ITGB4: variants seen among roughly 807,000 people sequenced by gnomAD.
The protein encoded by ITGB4 is integrin beta-4.
In ITGB4, 159 loss-of-function variants were observed where a neutral mutation model predicts 207.6. The observed-to-expected ratio is 0.77, with a 90% CI of 0.67 to 0.87. The LOEUF (loss-of-function observed/expected upper bound fraction) is 0.87. ITGB4 is among the 40% of genes least tolerant of loss of function. The pLI, the probability that ITGB4 is intolerant of heterozygous loss-of-function variation, is 0.00. For synonymous variants in ITGB4, 1,020 were observed against 1,062.7 expected, an observed-to-expected ratio of 0.96 and a Z score of 0.78; for missense variants, 2,278 against 2,546.8, an observed-to-expected ratio of 0.89 and a Z score of 2.27.
chr17:75,727,872 G>A lies in ITGB4; in HGVS notation c.469+17G>A. The A allele has an allele frequency of 6.2e-7, 1 of 1,612,274 alleles. No individual in the cohort carries two copies. Among genetic ancestry groups the A allele is most frequent in the Middle Eastern group, 1.8e-4 (1 of 5,614 alleles). On this transcript the variant is annotated intron_variant, in intron 5 of 39. Transcript: ENST00000200181. This position sits in a 1 kb window ranked among gnomAD's most constrained non-coding sequence, Gnocchi z 6.0. ...AGAACCTGGGTACGGCAGGGCCAGA[G>A]TGGAGGACAGCAGGGCAGGAGGGGG...
At chr17:75,735,345 C>A (rs1381842439) in intron 13 of ITGB4, among the ~76,000 whole-genome samples, 1 of 151,938 alleles carries the variant, frequency 6.6e-6, no homozygotes, top group East Asian at 1.9e-4. Flanking sequence ...GCCTCGGCCT[C>A]CCAAAGTGTG....
intron 26 of ITGB4, among the ~76,000 whole-genome samples, chr17:75,744,581 A>T (rs916671295): frequency 1.3e-5 from 2 of 151,862 alleles, no homozygotes; most frequent in Admixed American, 6.6e-5. Flanking sequence ...GGGATCGAAG[A>T]CCCCATGTCC....
Position 75,740,171 on chromosome 17 carries a change from C to T in ITGB4, c.2446+100C>T. On this transcript the variant is annotated intron_variant, in intron 20 of 39. Coordinates refer to ENST00000200181, the MANE Select transcript of ITGB4 (RefSeq NM_000213.5). The surrounding 1 kb of genome is among the most constrained non-coding windows in gnomAD (Gnocchi z 5.9). The stretch of plus-strand genomic sequence containing the variant: ...ATGCCTCTTCTCTGGGTGTGGGGTG[C>T]AGGCACAGGGCTCAGCCACCTTTTG... 1 of 1,358,912 alleles carries T rather than the reference C, an allele frequency of 7.4e-7. No homozygotes were observed. The highest frequency in any genetic ancestry group is 1.3e-5 in the South Asian group (1 of 75,538). The allele number at this position is 1,358,912 out of a possible 1,614,324, so 84.2% of individuals were successfully genotyped here.
In ITGB4 at chr17:75,743,064, G is replaced by A. The variant is rs181770852; in HGVS notation, c.2962+303G>A. ...AAAGGGTTGGCCAAGGCATCACACC[G>A]TGGACATCTGACCCCTCCTCCCACC... On this transcript the variant is annotated intron_variant, in intron 25 of 39. Transcript: ENST00000200181. Among the ~76,000 whole-genome samples the A allele has an allele frequency of 2.7e-4, 41 of 152,154 alleles. No homozygotes were observed. In the East Asian group the frequency reaches 6.0e-3, roughly 22 times the overall value.
rs752880384 is a variant in ITGB4 at position 75,731,876 on chromosome 17, C to T, written c.1280C>T (p.Pro427Leu). 1.6e-5 allele frequency: 26 copies of T among 1,613,628 alleles called. No individual in the cohort carries two copies. The highest frequency in any genetic ancestry group is 5.0e-5 in the Admixed American group (3 of 59,954). Residue 427 changes from proline to leucine, a missense_variant, in exon 11 of 40, where the codon CCG becomes CTG. Pro to Leu is a moderately conservative substitution (Grantham distance 98, BLOSUM62 -3). Transcript: ENST00000200181. This position sits in a 1 kb window ranked among gnomAD's most constrained non-coding sequence, Gnocchi z 6.8. ...GATGGGACGCACGTGTGCCAGCTGCCGGAGGACCAGAAGGGCAACATCCAT... is the reference window on the plus strand; with the variant it reads ...GATGGGACGCACGTGTGCCAGCTGCTGGAGGACCAGAAGGGCAACATCCAT... ...HVDGTHVCQL[P>L]EDQKGNIHLK...
chr17:75,730,167 C>T (rs1169060529), intron 7 of ITGB4, 74 bp from the exon 8 acceptor site: 24 of 1,595,238 alleles, frequency 1.5e-5, no homozygotes, highest in African/African-American at 9.4e-5. Flanking sequence ...CCGCGTTCCC[C>T]GTCCTACACG....
At position 75,731,383 on chromosome 17, in the gene ITGB4, G is replaced by T. The variant is rs369393539; in HGVS notation, c.1215+15G>T. On this transcript the variant is annotated intron_variant, in intron 10 of 39. Transcript: ENST00000200181. This position sits in a 1 kb window ranked among gnomAD's most constrained non-coding sequence, Gnocchi z 6.8. ...GGGGGGAAGTGGTACGCCTCTGTGG[G>T]GGCAGCGGGGTGGGGGATAGGCACA... The T allele has an allele frequency of 1.2e-4, 197 of 1,606,108 alleles. No homozygotes were observed. Among genetic ancestry groups the T allele is most frequent in the Non-Finnish European group, 1.7e-4 (194 of 1,175,570 alleles).
chr17:75,742,544 T>C lies in ITGB4; in HGVS notation c.2783-38T>C, dbSNP rs954376751. The C allele has an allele frequency of 6.2e-7, 1 of 1,613,536 alleles. No homozygotes were observed. Among genetic ancestry groups the C allele is most frequent in the Admixed American group, 1.7e-5 (1 of 60,006 alleles). ...CTCGCACCTCCCGCCTGTGTGGCCCTGTGACCCACCTCTGACCACCTCCGA... is the reference window on the plus strand; with the variant it reads ...CTCGCACCTCCCGCCTGTGTGGCCCCGTGACCCACCTCTGACCACCTCCGA... On this transcript the variant is annotated intron_variant, in intron 24 of 39. Coordinates refer to ENST00000200181, the MANE Select transcript of ITGB4 (RefSeq NM_000213.5). The surrounding 1 kb of genome is among the most constrained non-coding windows in gnomAD (Gnocchi z 5.9).
At chr17:75,748,559 A>T (rs1051505808) in intron 26 of ITGB4, among the ~76,000 whole-genome samples, 1 of 151,528 alleles carries the variant, frequency 6.6e-6, no homozygotes, top group African/African-American at 2.4e-5. Flanking sequence ...AATCCCAGCT[A>T]CTCAGGAAGA....
In ITGB4 at chr17:75,750,772, T is replaced by C. The variant is rs764438934; in HGVS notation, c.3567T>C (p.Tyr1189=). 12 of 1,613,590 alleles carry C rather than the reference T, an allele frequency of 7.4e-6. No homozygotes were observed. In the South Asian group the frequency reaches 9.9e-5, roughly 13 times the overall value. Residue 1189 remains tyrosine, a synonymous_variant, in exon 29 of 40, where the codon TAT becomes TAC. Coordinates refer to ENST00000200181, the MANE Select transcript of ITGB4 (RefSeq NM_000213.5). This position sits in a 1 kb window ranked among gnomAD's most constrained non-coding sequence, Gnocchi z 5.5. The part of the protein sequence containing the change: ...PSVELTNLYP[Y]CDYEMKVCAY... The stretch of plus-strand genomic sequence containing the variant: ...TGGAGCTCACCAACCTGTACCCGTA[T>C]TGCGACTATGAGATGAAGGTGTGCG...
rs148827335 is a variant in ITGB4, at chr17:75,756,445, C to G, written c.4725C>G (p.Leu1575=). The G allele has an allele frequency of 6.2e-7, 1 of 1,613,336 alleles. No individual in the cohort carries two copies. The highest frequency in any genetic ancestry group is 8.5e-7 in the Non-Finnish European group (1 of 1,179,990). The part of the protein sequence containing the change: ...QLLNGGELHR[L]NIPNPAQTSV... ...TCCCCCCAGGTGAGCTGCATCGGCT[C>G]AACATCCCCAACCCTGCCCAGACCT... Residue 1575 remains leucine, a synonymous_variant, in exon 36 of 40, where the codon CTC becomes CTG. Coordinates refer to ENST00000200181, the MANE Select transcript of ITGB4 (RefSeq NM_000213.5).
chr17:75,745,699 T>C (rs941090527), intron 26 of ITGB4, among the ~76,000 whole-genome samples: 4 of 151,944 alleles, frequency 2.6e-5, no homozygotes, highest in African/African-American at 4.8e-5. Flanking sequence ...GCCAACATGG[T>C]GAAACCCTGT....
rs944058687 is a variant in ITGB4, at chr17:75,722,607, C to G, written c.-11+995C>G. Among the ~76,000 whole-genome samples, 9 of 152,228 alleles carry G rather than the reference C, an allele frequency of 5.9e-5. No individual in the cohort carries two copies. The highest frequency in any genetic ancestry group is 1.9e-4 in the African/African-American group (8 of 41,534). On this transcript the variant is annotated intron_variant, in intron 1 of 39. Coordinates refer to ENST00000200181, the MANE Select transcript of ITGB4 (RefSeq NM_000213.5). This position sits in a 1 kb window ranked among gnomAD's most constrained non-coding sequence, Gnocchi z 6.2. ...TCCCCAGACTTCTGGCCAGCTGCCT[C>G]TCTGGGGCGAGGAAGGGCCTGGGTC...
At chr17:75,737,276 C>T (rs778831526) in intron 16 of ITGB4, 46 bp from the exon 17 acceptor site, 50 of 1,570,592 alleles carry the variant, frequency 3.2e-5, no homozygotes, top group Middle Eastern at 1.7e-4. Flanking sequence ...TCCTCTGGGG[C>T]GGAGGGGTGT....
chr17:75,750,497 C>T lies in ITGB4; in HGVS notation c.3475-183C>T, dbSNP rs115406496. On this transcript the variant is annotated intron_variant, in intron 28 of 39. Transcript: ENST00000200181. This position sits in a 1 kb window ranked among gnomAD's most constrained non-coding sequence, Gnocchi z 5.5. ...CTAGAATGGGGCCCCCTCCCACCCC[C>T]GCATGGGAGATACCCCCACCTGCTC... is the stretch of plus-strand genomic sequence containing the variant. Among the ~76,000 whole-genome samples the T allele has an allele frequency of 3.3e-5, 5 of 152,144 alleles. No individual in the cohort carries two copies. The highest frequency in any genetic ancestry group is 7.4e-5 in the Non-Finnish European group (5 of 68,008).
chr17:75,750,309 G>T lies in ITGB4; in HGVS notation c.3474+41G>T. 6.4e-7 allele frequency: 1 copy of T among 1,574,394 alleles called. No homozygotes were observed. Among genetic ancestry groups the T allele is most frequent in the Non-Finnish European group, 8.6e-7 (1 of 1,157,340 alleles). On this transcript the variant is annotated intron_variant, in intron 28 of 39. Coordinates refer to ENST00000200181, the MANE Select transcript of ITGB4 (RefSeq NM_000213.5). This position sits in a 1 kb window ranked among gnomAD's most constrained non-coding sequence, Gnocchi z 5.5. ...GAGGGTCACGACAGGTGGATGGGCG[G>T]TCTGGCACCAGCACTCACAGAAGAG...
In ITGB4 at chr17:75,742,385, C is replaced by G. The variant is rs754773105; in HGVS notation, c.2678C>G (p.Ser893Trp). The change falls in exon 24 of 40, where the codon TCG (serine) becomes TGG (tryptophan). Residue 893 changes from serine to tryptophan, a missense_variant. Coordinates refer to ENST00000200181, the MANE Select transcript of ITGB4 (RefSeq NM_000213.5). This position sits in a 1 kb window ranked among gnomAD's most constrained non-coding sequence, Gnocchi z 5.9. ...GACACAGTGCTGATGGCGCCCCGCT[C>G]GGCCAAGCCGGCCCTGCTGAAGCTT... The part of the protein sequence containing the change: ...IVDTVLMAPR[S>W]AKPALLKLTE... 1.9e-6 allele frequency: 3 copies of G among 1,613,216 alleles called. No individual in the cohort carries two copies. The highest frequency in any genetic ancestry group is 2.5e-6 in the Non-Finnish European group (3 of 1,179,992).
At chr17:75,723,337 G>A (rs548056886) in intron 1 of ITGB4, among the ~76,000 whole-genome samples, 1 of 152,346 alleles carries the variant, frequency 6.6e-6, no homozygotes, top group African/African-American at 2.4e-5. Context: ...TGCCTGAGGG[G>A]CTGTGGCCAG....
rs557302821 is a variant in ITGB4, at chr17:75,724,995, G to A, written c.79+213G>A. Among the ~76,000 whole-genome samples the A allele has an allele frequency of 3.3e-5, 5 of 152,354 alleles. No individual in the cohort carries two copies. The East Asian group carries it at 5.8e-4, about 18-fold the overall frequency. On this transcript the variant is annotated intron_variant, in intron 2 of 39. Coordinates refer to ENST00000200181, the MANE Select transcript of ITGB4 (RefSeq NM_000213.5). Reference sequence around the variant, plus strand: ...GACCACGGGGCCTGAGAATAGGAGCGAAGGAGGCTGTGTCTAGAGGAAAGA... The same window carrying A: ...GACCACGGGGCCTGAGAATAGGAGCAAAGGAGGCTGTGTCTAGAGGAAAGA...
Sources: allele counts gnomAD v4.1 joint callset (sites outside exome capture counted in the v4.1 genomes callset), GRCh38; gene constraint gnomAD v4.1.1; non-coding constraint Gnocchi (gnomAD v3.1); transcripts MANE v1.5; gene names NCBI Gene and HGNC (gene_info 2026-07-23, HGNC 2026-07-21).